Variants in BLTP3A observed in about 807,000 individuals in gnomAD.
The protein encoded by BLTP3A is bridge-like lipid transfer protein family member 3A.
chr6:34,827,108 C>T, the BLTP3A span, among the ~76,000 whole-genome samples: 11 of 152,038 alleles, frequency 7.2e-5, no homozygotes, highest in African/African-American at 1.7e-4. Context: ...GTCAGGAGAT[C>T]GAGACCAGCC....
chr6:34,857,630 C>T, the BLTP3A span: 1 of 1,459,784 alleles, frequency 6.9e-7, no homozygotes, highest in Non-Finnish European at 9.4e-7. Flanking sequence ...TAAATGTGTA[C>T]CTTTGCTCTG....
the BLTP3A span, among the ~76,000 whole-genome samples, chr6:34,840,307 T>C: frequency 4.0e-5 from 6 of 151,508 alleles, no homozygotes; most frequent in East Asian, 1.2e-3. Context: ...ATCCCAGCAG[T>C]TTGGGATGCC....
At chr6:34,827,908 A>T in the BLTP3A span, among the ~76,000 whole-genome samples, 67,825 of 151,974 alleles carry the variant, frequency 0.45, 17,179 homozygotes, top group African/African-American at 0.7. Flanking sequence ...CTGGGATTAC[A>T]TGAAATCATT....
the BLTP3A span, among the ~76,000 whole-genome samples, chr6:34,843,181 G>A: frequency 5.9e-5 from 9 of 151,820 alleles, no homozygotes; most frequent in Admixed American, 5.3e-4. Flanking sequence ...ATGAGGTCTC[G>A]CTATGTTACC....
the BLTP3A span, among the ~76,000 whole-genome samples, chr6:34,862,375 C>CA: frequency 6.7e-4 from 92 of 137,020 alleles, no homozygotes; most frequent in East Asian, 2.5e-3. Flanking sequence ...GACTCCGTCT[C>CA]AAAAAAAAAA....
chr6:34,819,365 AGAGAGGGTTATGCTAT>A, the BLTP3A span, among the ~76,000 whole-genome samples: 1 of 135,592 alleles, frequency 7.4e-6, no homozygotes, highest in African/African-American at 2.8e-5. Context: ...TTCTTACAGG[AGAGAGGGTTATGCTAT>A]GAGGAACTGG....
chr6:34,808,647 A>C, the BLTP3A span, among the ~76,000 whole-genome samples: 2 of 151,972 alleles, frequency 1.3e-5, no homozygotes, highest in African/African-American at 4.8e-5. Context: ...GCAGTGACAC[A>C]GTCACGGCTC....
At chr6:34,853,884 A>G in the BLTP3A span, among the ~76,000 whole-genome samples, 3,363 of 152,194 alleles carry the variant, frequency 0.022, 54 homozygotes, top group Middle Eastern at 0.034. Context: ...ATATCAAGCA[A>G]AAGTTAAAGG....
the BLTP3A span, chr6:34,867,191 A>G: frequency 3.2e-6 from 5 of 1,573,650 alleles, no homozygotes; most frequent in South Asian, 2.4e-5. Context: ...GAATATTTTG[A>G]CTTTTAAATT....
At chr6:34,815,760 A>T in the BLTP3A span, among the ~76,000 whole-genome samples, 765 of 152,200 alleles carry the variant, frequency 5.0e-3, 6 homozygotes, top group Non-Finnish European at 7.9e-3. Flanking sequence ...CTCATGCCTC[A>T]GCCTCCCAAG....
the BLTP3A span, among the ~76,000 whole-genome samples, chr6:34,795,067 G>T: frequency 1.3e-5 from 2 of 151,340 alleles, no homozygotes; most frequent in African/African-American, 4.9e-5. Flanking sequence ...GATTACAGGC[G>T]TGAGCCACCA....
the BLTP3A span, among the ~76,000 whole-genome samples, chr6:34,864,673 T>G: frequency 2.0e-5 from 3 of 152,128 alleles, no homozygotes; most frequent in African/African-American, 7.2e-5. Context: ...AAATGATCCT[T>G]TAAGAGTATC....
the BLTP3A span, among the ~76,000 whole-genome samples, chr6:34,869,525 TTG>T: frequency 6.6e-6 from 1 of 152,220 alleles, no homozygotes; most frequent in Non-Finnish European, 1.5e-5. Flanking sequence ...TGTACTATTT[TTG>T]TGATTTGCTT....
the BLTP3A span, among the ~76,000 whole-genome samples, chr6:34,842,652 T>A: frequency 7.2e-5 from 11 of 152,236 alleles, no homozygotes; most frequent in South Asian, 2.1e-3. Context: ...ATTTTTTTTT[T>A]AATTAAAAAG....
chr6:34,876,986 A>G, the BLTP3A span: 2 of 152,592 alleles, frequency 1.3e-5, no homozygotes, highest in African/African-American at 4.8e-5. Flanking sequence ...TGACTTCTAA[A>G]AAAAATTCCT....
At chr6:34,871,145 G>A in the BLTP3A span, 1 of 1,594,746 alleles carries the variant, frequency 6.3e-7, no homozygotes, top group Non-Finnish European at 8.5e-7. Context: ...TTTTGCCAAT[G>A]TAAGGGCACA....
At chr6:34,830,138 A>G in the BLTP3A span, among the ~76,000 whole-genome samples, 3 of 151,702 alleles carry the variant, frequency 2.0e-5, no homozygotes, top group Admixed American at 6.6e-5. Flanking sequence ...TTGTATTTTT[A>G]GCGAGACAGG....
At chr6:34,855,561 G>A in the BLTP3A span, 3 of 1,596,248 alleles carry the variant, frequency 1.9e-6, no homozygotes, top group Non-Finnish European at 1.7e-6. Context: ...GCTTTAGGTG[G>A]TGGTTTGGCT....
chr6:34,795,425 T>G, the BLTP3A span, among the ~76,000 whole-genome samples: 3 of 145,044 alleles, frequency 2.1e-5, no homozygotes, highest in Admixed American at 2.1e-4. Context: ...TGAGACTGAG[T>G]CTCACTCTGT....
Sources: gnomAD v4.1 joint callset for allele counts (sites outside exome capture counted in the v4.1 genomes callset) on GRCh38, gnomAD v4.1.1 for gene constraint, MANE v1.5 for transcripts, NCBI Gene and HGNC (gene_info 2026-07-23, HGNC 2026-07-21) for gene names.